The following SASS6 variants were observed in gnomAD, a reference collection of about 807,000 sequenced individuals.
The protein encoded by SASS6 is spindle assembly abnormal protein 6 homolog.
A neutral mutation model predicts 94.9 loss-of-function variants in SASS6; 59 were observed. The observed-to-expected ratio is 0.62, with a 90% confidence interval of 0.50 to 0.77. The LOEUF (loss-of-function observed/expected upper bound fraction) is 0.77, where lower values mean the gene tolerates loss of function less well. SASS6 is among the 30% of genes least tolerant of loss of function. SASS6 has a pLI of 0.00. For synonymous variants in SASS6, 264 were observed against 270.0 expected (o/e 0.98, Z 0.22); for missense variants, 698 against 734.1 (o/e 0.95, Z 0.57).
intron 2 of SASS6, 104 bp downstream of exon 2, chr1:100,125,778 T>C (rs1654573823): frequency 1.4e-6 from 1 of 721,118 alleles, no homozygotes; most frequent in Non-Finnish European, 2.4e-6. Flanking sequence ...GCCTAAAATG[T>C]AAAAGCAAAA....
chr1:100,128,181 G>T (rs180888717), intron 1 of SASS6, among the ~76,000 whole-genome samples: 1 of 152,018 alleles, frequency 6.6e-6, no homozygotes, highest in Admixed American at 6.6e-5. Flanking sequence ...AGTTTACAGG[G>T]GCACAACACC....
At chr1:100,120,852 C>T (rs1037986345) in intron 5 of SASS6, among the ~76,000 whole-genome samples, 1 of 151,870 alleles carries the variant, frequency 6.6e-6, no homozygotes, top group Admixed American at 6.6e-5. Flanking sequence ...AGATTGAGAC[C>T]ATCCTGGCTA....
intron 1 of SASS6, among the ~76,000 whole-genome samples, chr1:100,128,030 A>T (rs557614290): frequency 2.8e-4 from 43 of 151,600 alleles, no homozygotes; most frequent in South Asian, 8.3e-4. Context: ...TTTTATTTTA[A>T]TTATTTATTT....
chr1:100,108,683 G>T (rs1378976821), intron 8 of SASS6, among the ~76,000 whole-genome samples: 1 of 152,006 alleles, frequency 6.6e-6, no homozygotes, highest in Non-Finnish European at 1.5e-5. Flanking sequence ...TGTGACTATA[G>T]TGGTTTTAGG....
intron 14 of SASS6, among the ~76,000 whole-genome samples, chr1:100,092,708 T>C (rs1651816943): frequency 1.3e-5 from 2 of 152,128 alleles, no homozygotes; most frequent in South Asian, 4.1e-4. Flanking sequence ...CCCGAGTAGC[T>C]GACACTACAG....
rs374528973 is a variant in SASS6 at position 100,107,481 on chromosome 1, C to T, written c.1219G>A (p.Val407Ile). Residue 407 changes from valine (V) to isoleucine (I), a missense_variant, in exon 11 of 17, where the codon GTT becomes ATT. By Grantham distance (29) the Val-to-Ile change is conservative. Transcript: ENST00000287482. ...AAGAGTTTTTCTTGCTGAATAGTAA[C>T]TGTATTCTTCAATTTCAACTTACCC... The part of the protein sequence containing the change: ...LMGKLKLKNT[V>I]TIQQEKLLAE... 2.5e-6 allele frequency: 4 copies of T among 1,604,700 alleles called. No individual in the cohort carries two copies. Among genetic ancestry groups the T allele is most frequent in the Non-Finnish European group, 3.4e-6 (4 of 1,172,140 alleles).
Position 100,119,065 on chromosome 1 carries a change from T to C in SASS6, c.622A>G (p.Asn208Asp). 6.3e-7 allele frequency: 1 copy of C among 1,591,646 alleles called. No individual in the cohort carries two copies. The highest frequency in any genetic ancestry group is 8.6e-7 in the Non-Finnish European group (1 of 1,165,502). ...EWASHTAALT[N>D]KHSQELTNEK... ...TTTGTCAGTTCCTGAGAATGCTTGT[T>C]TGTCAAGGCTGCTGTATGTGACGCC... The change falls in exon 7 of 17, where the codon AAC becomes GAC. Residue 208 changes from asparagine to aspartate, a missense_variant. Coordinates refer to ENST00000287482, the MANE Select transcript of SASS6 (RefSeq NM_194292.3).
At chr1:100,103,115 T>C in intron 13 of SASS6, 32 bp from the exon 14 acceptor site, 3 of 1,428,942 alleles carry the variant, frequency 2.1e-6, no homozygotes, top group South Asian at 2.4e-5. Flanking sequence ...TGATTAAAGA[T>C]GATAAATTAA....
chr1:100,130,275 T>G, intron 1 of SASS6, among the ~76,000 whole-genome samples: 1 of 152,332 alleles, frequency 6.6e-6, no homozygotes, highest in Middle Eastern at 3.4e-3. Context: ...TTTGTTGTTG[T>G]TGGGGACGGA....
At chr1:100,125,555 T>G (rs1288045023) in intron 2 of SASS6, among the ~76,000 whole-genome samples, 3 of 150,728 alleles carry the variant, frequency 2.0e-5, no homozygotes, top group Non-Finnish European at 4.4e-5. Flanking sequence ...GGTGCATGCC[T>G]GTAGTCCCAG....
chr1:100,100,804 A>G (rs945431501), intron 14 of SASS6, among the ~76,000 whole-genome samples: 6 of 152,360 alleles, frequency 3.9e-5, no homozygotes, highest in Admixed American at 3.9e-4. Flanking sequence ...CTGCTAGCAC[A>G]AAACTACCTA....
intron 7 of SASS6, among the ~76,000 whole-genome samples, chr1:100,115,308 G>C (rs1653696418): frequency 6.6e-6 from 1 of 152,178 alleles, no homozygotes; most frequent in South Asian, 2.1e-4. Context: ...TCTCATTTAT[G>C]CAGTAAAAAT....
chr1:100,097,401 T>C (rs1042924541), intron 14 of SASS6, among the ~76,000 whole-genome samples: 12 of 152,248 alleles, frequency 7.9e-5, no homozygotes, highest in South Asian at 2.1e-4. Flanking sequence ...AACTCAAATG[T>C]CCATCAACTG....
chr1:100,127,900 C>A (rs920395670), intron 1 of SASS6, among the ~76,000 whole-genome samples: 1 of 151,998 alleles, frequency 6.6e-6, no homozygotes, highest in African/African-American at 2.4e-5. Context: ...TTGTGAAAAC[C>A]TTTTTAGCTC....
Position 100,085,707 on chromosome 1 carries a change from T to C in SASS6, c.1773-77A>G, listed in dbSNP as rs948278681. 1.0e-5 allele frequency: 8 copies of C among 786,932 alleles called. 1 individual carries two copies. The highest frequency in any genetic ancestry group is 8.2e-5 in the South Asian group (5 of 60,836). The allele number at this position is 786,932 out of a possible 1,614,324, so 48.7% of individuals were successfully genotyped here. On this transcript the variant is annotated intron_variant, in intron 15 of 16. Coordinates refer to ENST00000287482, the MANE Select transcript of SASS6 (RefSeq NM_194292.3). Reference sequence around the variant, plus strand: ...AAGGTTTATCTCATATGTATACATATATATAAGATAATGTAACTAAGTTCT... The same window carrying C: ...AAGGTTTATCTCATATGTATACATACATATAAGATAATGTAACTAAGTTCT...
intron 7 of SASS6, 22 bp from the exon 8 acceptor site, chr1:100,110,505 GT>G: frequency 7.6e-7 from 1 of 1,307,518 alleles, no homozygotes. Flanking sequence ...TAAAAATACA[GT>G]ACCAAAATTC....
chr1:100,087,417 A>C lies in SASS6; in HGVS notation c.1772+722T>G, dbSNP rs536944249. ...ACTAGGATGGTGATAGCTCATGATAATGAGTATCAGCAGACAGGCCTTAAA... is the reference window on the plus strand; with the variant it reads ...ACTAGGATGGTGATAGCTCATGATACTGAGTATCAGCAGACAGGCCTTAAA... On this transcript the variant is annotated intron_variant, in intron 15 of 16. Coordinates refer to ENST00000287482, the MANE Select transcript of SASS6 (RefSeq NM_194292.3). 3.7e-4 allele frequency among the ~76,000 whole-genome samples: 57 copies of C among 152,360 alleles called. No homozygotes were observed. In the South Asian group the frequency reaches 0.012, roughly 31 times the overall value.
At chr1:100,122,119 A>G (rs1654239597) in intron 4 of SASS6, among the ~76,000 whole-genome samples, 1 of 152,234 alleles carries the variant, frequency 6.6e-6, no homozygotes, top group Non-Finnish European at 1.5e-5. Flanking sequence ...TTTTTCCAAT[A>G]TCATTATAAA....
intron 1 of SASS6, among the ~76,000 whole-genome samples, chr1:100,127,746 A>G (rs551269275): frequency 6.7e-6 from 1 of 148,802 alleles, no homozygotes; most frequent in African/African-American, 2.5e-5. Context: ...TGGCTACTTC[A>G]GAGGCTGAGG....
Sources: allele counts gnomAD v4.1 joint callset (sites outside exome capture counted in the v4.1 genomes callset), GRCh38; gene constraint gnomAD v4.1.1; transcripts MANE v1.5; gene names NCBI Gene and HGNC (gene_info 2026-07-23, HGNC 2026-07-21).